Variants in EMC1 observed in about 807,000 individuals in gnomAD.
EMC1 encodes KIAA0090.
In EMC1, 103 loss-of-function variants were observed where a neutral mutation model predicts 128.8. That is an observed-to-expected ratio of 0.80 (90% CI 0.68 to 0.94). EMC1 has a LOEUF of 0.94. Ranked by LOEUF, EMC1 falls within the 40% of genes least tolerant of loss-of-function variation. The pLI is 0.00. For missense variants in EMC1, 1,083 were observed against 1,250.6 expected (o/e 0.87, Z 2.02); for synonymous variants, 442 against 490.4 (o/e 0.90, Z 1.30).
intron 12 of EMC1, 104 bp from the exon 13 acceptor site, chr1:19,235,356 C>G: frequency 7.9e-7 from 1 of 1,267,292 alleles, no homozygotes; most frequent in Non-Finnish European, 1.1e-6. Context: ...TCTCTTGAGC[C>G]CAGGAATTTG....
intron 13 of EMC1, among the ~76,000 whole-genome samples, chr1:19,234,491 G>A (rs988562537): frequency 1.3e-5 from 2 of 152,168 alleles, no homozygotes; most frequent in Non-Finnish European, 1.5e-5. Context: ...GGGACAATGA[G>A]TATAAGGTGC....
chr1:19,239,385 G>A, intron 8 of EMC1, 83 bp from the exon 9 acceptor site: 1 of 1,268,440 alleles, frequency 7.9e-7, no homozygotes. Flanking sequence ...TCCAGGGAAG[G>A]CCCTTGGCCT....
intron 20 of EMC1, 31 bp downstream of exon 20, chr1:19,222,593 C>A (rs1159042102): frequency 6.2e-7 from 1 of 1,604,516 alleles, no homozygotes; most frequent in Non-Finnish European, 8.5e-7. Context: ...CAAGGGAACC[C>A]AGCCATCCCA....
In EMC1 at chr1:19,219,252, A is replaced by G; in HGVS notation, c.*51T>C. On this transcript the variant is annotated 3_prime_UTR_variant, in exon 23 of 23. Coordinates refer to ENST00000477853, the MANE Select transcript of EMC1 (RefSeq NM_015047.3). The stretch of plus-strand genomic sequence containing the variant: ...CACCAAACTGCAGCTGTAGCTGCTT[A>G]TCTGACCCACACTCCCCTGGCTCTC... 6.3e-7 allele frequency: 1 copy of G among 1,591,846 alleles called. No individual in the cohort carries two copies. Among genetic ancestry groups the G allele is most frequent in the Non-Finnish European group, 8.6e-7 (1 of 1,161,784 alleles).
intron 21 of EMC1, chr1:19,219,913 T>C (rs370639188): frequency 1.6e-5 from 9 of 549,152 alleles, no homozygotes; most frequent in Non-Finnish European, 2.9e-5. Flanking sequence ...GAGATCTAGA[T>C]TCCTACTTTG....
chr1:19,238,731 C>A lies in EMC1; in HGVS notation c.1089+64G>T. 9.7e-6 allele frequency: 11 copies of A among 1,133,858 alleles called. 1 individual carries two copies. The Middle Eastern group carries it at 5.9e-4, about 61-fold the overall frequency. The allele number at this position is 1,133,858 out of a possible 1,614,324, so 70.2% of individuals were successfully genotyped here. A position where few individuals can be genotyped will look rare whatever the true frequency, so the allele number is the denominator to read the frequency against. ...CCTGCTCCTAACCAAAGCTCTTCCC[C>A]CAACTCTCTTTGGTGGCCTCCTGCG... On this transcript the variant is annotated intron_variant, in intron 10 of 22. Transcript: ENST00000477853.
intron 13 of EMC1, 59 bp from the exon 14 acceptor site, chr1:19,233,194 A>G (rs1328735018): frequency 3.4e-6 from 5 of 1,452,110 alleles, no homozygotes; most frequent in African/African-American, 1.4e-5. Context: ...AAGGAGGTAC[A>G]TGATTTTCCT....
rs893660433 is a variant in EMC1, at chr1:19,217,960, T to C, written c.*1343A>G. ...TTTTAGATAACCTAACCAACCCATA[T>C]ATGATTAAACTGACCTTTCCTTACT... On this transcript the variant is annotated 3_prime_UTR_variant, in exon 23 of 23. Coordinates refer to ENST00000477853, the MANE Select transcript of EMC1 (RefSeq NM_015047.3). The C allele has an allele frequency of 6.6e-6, 1 of 152,370 alleles. No homozygotes were observed. The highest frequency in any genetic ancestry group is 6.5e-5 in the Admixed American group (1 of 15,310). The allele number at this position is 152,370 out of a possible 1,614,324, so 9.4% of individuals were successfully genotyped here.
rs184024636 is a variant in EMC1, at chr1:19,250,430, T to C, written c.95+985A>G. ...AAAATTAGATACACATATCACCCGATATATATGTGTAACATACACATATGA... is the reference window on the plus strand; with the variant it reads ...AAAATTAGATACACATATCACCCGACATATATGTGTAACATACACATATGA... On this transcript the variant is annotated intron_variant, in intron 1 of 22. Transcript: ENST00000477853. Among the ~76,000 whole-genome samples the C allele has an allele frequency of 9.9e-5, 15 of 152,264 alleles. No individual in the cohort carries two copies. The East Asian group carries it at 2.7e-3, about 27-fold the overall frequency.
At chr1:19,231,173 G>T in intron 16 of EMC1, 88 bp downstream of exon 16, 1 of 1,432,132 alleles carries the variant, frequency 7.0e-7, no homozygotes, top group Non-Finnish European at 9.5e-7. Flanking sequence ...GGTGCAGAGA[G>T]CACTCCATCT....
chr1:19,222,499 C>A (rs1018954626), intron 20 of EMC1, 125 bp downstream of exon 20: 4 of 805,082 alleles, frequency 5.0e-6, no homozygotes, highest in Non-Finnish European at 8.2e-6. Context: ...ATATATAGCC[C>A]TCCTCACCAC....
intron 18 of EMC1, among the ~76,000 whole-genome samples, chr1:19,224,641 G>A (rs1451726627): frequency 6.6e-6 from 1 of 152,116 alleles, no homozygotes; most frequent in African/African-American, 2.4e-5. Context: ...AGCCTAAATG[G>A]TCTGCTTTCC....
chr1:19,226,954 G>A (rs1181668593), intron 18 of EMC1, among the ~76,000 whole-genome samples: 1 of 152,050 alleles, frequency 6.6e-6, no homozygotes, highest in Non-Finnish European at 1.5e-5. Context: ...ATAAGCCCAG[G>A]AGGACGAAGC....
chr1:19,235,244 C>A lies in EMC1; in HGVS notation c.1318G>T (p.Val440Leu). 1 of 1,612,522 alleles carries A rather than the reference C, an allele frequency of 6.2e-7. No individual in the cohort carries two copies. The highest frequency in any genetic ancestry group is 8.5e-7 in the Non-Finnish European group (1 of 1,179,176). The change falls in exon 13 of 23, where the codon GTG becomes TTG. Residue 440 changes from valine to leucine, a missense_variant. Physicochemically the swap from Val to Leu is conservative, Grantham distance 32 (BLOSUM62 1). This residue lies in a region of EMC1 where 544 missense variants were observed against 572.4 expected (regional missense o/e 0.95). Coordinates refer to ENST00000477853, the MANE Select transcript of EMC1 (RefSeq NM_015047.3). ...GACTCCTCACGGCTCCACAGCACCA[C>A]CTTCCCTGCTACAGGAAACATTTTT... ...LLFLQQLAGK[V>L]VLWSREESLA...
chr1:19,231,076 C>A, intron 16 of EMC1, 113 bp from the exon 17 acceptor site: 1 of 1,437,340 alleles, frequency 7.0e-7, no homozygotes, highest in Non-Finnish European at 9.6e-7. Flanking sequence ...GGTTTACATT[C>A]AGTTCTGTTA....
At chr1:19,222,411 CAAAA>C (rs764944165) in intron 20 of EMC1, among the ~76,000 whole-genome samples, 1 of 151,574 alleles carries the variant, frequency 6.6e-6, no homozygotes, top group African/African-American at 2.4e-5. Flanking sequence ...TCTCGAAAAA[CAAAA>C]AAAAGATGAG....
chr1:19,219,317 G>A lies in EMC1; in HGVS notation c.2968C>T (p.Arg990Trp), dbSNP rs755567367. The change falls in exon 23 of 23, where the codon CGG becomes TGG. Residue 990 changes from arginine (R) to tryptophan (W), a missense_variant. Physicochemically the swap from Arg to Trp is moderately radical, Grantham distance 101. Transcript: ENST00000477853. ...KRLAQVKLLN[R>W]AWR ...GTCTTTGTTCTTTATCGCCAGGCCC[G>A]ATTCAGGAGCTTCACCTGTGCCAGT... 2.5e-5 allele frequency: 40 copies of A among 1,613,894 alleles called. No homozygotes were observed. The highest frequency in any genetic ancestry group is 2.2e-4 in the East Asian group (10 of 44,880).
intron 1 of EMC1, among the ~76,000 whole-genome samples, chr1:19,249,488 C>T (rs2093647234): frequency 6.6e-6 from 1 of 152,144 alleles, no homozygotes; most frequent in Admixed American, 6.5e-5. Context: ...ATAGGCTGTA[C>T]CATATAGCCT....
chr1:19,235,296 A>T, intron 12 of EMC1, 44 bp from the exon 13 acceptor site: 1 of 1,588,712 alleles, frequency 6.3e-7, no homozygotes, highest in Non-Finnish European at 8.6e-7. Context: ...GGCTGGGCAC[A>T]GTGGCTCATG....
Sources: allele counts gnomAD v4.1 joint callset (sites outside exome capture counted in the v4.1 genomes callset), GRCh38; gene constraint gnomAD v4.1.1; regional missense constraint gnomAD v4.1.1; transcripts MANE v1.5; gene names NCBI Gene and HGNC (gene_info 2026-07-23, HGNC 2026-07-21).